ZC3H4: variants seen among roughly 807,000 people sequenced by gnomAD.
ZC3H4 encodes the protein zinc finger CCCH-type containing 4, also known as zinc finger CCCH domain-containing protein 4.
A neutral mutation model predicts 108.3 loss-of-function variants in ZC3H4; 13 were observed. That is an observed-to-expected ratio of 0.12 (90% CI 0.08 to 0.19). The LOEUF is 0.19. Among genes scored for constraint, ZC3H4 ranks in the 10% least tolerant of loss-of-function variants. The pLI, the probability that ZC3H4 is intolerant of heterozygous loss-of-function variation, is 1.00. For synonymous variants in ZC3H4, 917 were observed against 749.6 expected, an observed-to-expected ratio of 1.22 and a Z score of -3.65; for missense variants, 1,734 against 1,838.8, an observed-to-expected ratio of 0.94 and a Z score of 1.04.
intron 9 of ZC3H4, among the ~76,000 whole-genome samples, chr19:47,083,300 T>TA (rs1421531875): frequency 7.7e-6 from 1 of 130,172 alleles, no homozygotes; most frequent in Non-Finnish European, 1.7e-5. Context: ...AGACTCGGTC[T>TA]AAAAAAAATT....
rs369080840 is a variant in ZC3H4 at position 47,066,815 on chromosome 19, C to T, written c.3453G>A (p.Pro1151=). 4.7e-5 allele frequency: 76 copies of T among 1,600,072 alleles called. 1 individual carries two copies. The highest frequency in any genetic ancestry group is 5.9e-5 in the Non-Finnish European group (70 of 1,178,992). The change falls in exon 15 of 15, where the codon CCG becomes CCA. Residue 1151 remains proline, a synonymous_variant. Transcript: ENST00000253048. ...CTTTGCCCCCCGCGTTGGGAGTCCT[C>T]GGGTCGTAGAGGCTGATACCGCTCA... ...SVLSGISLYD[P]RTPNAGGKAT... is the part of the protein sequence containing the mutation.
chr19:47,090,335 C>G (rs1390434652), intron 4 of ZC3H4, 146 bp from the exon 5 acceptor site: 1 of 832,312 alleles, frequency 1.2e-6, no homozygotes. Flanking sequence ...TCCAGCCCCT[C>G]TGGGGACTGG....
At chr19:47,098,658 G>A (rs1430483725) in intron 2 of ZC3H4, among the ~76,000 whole-genome samples, 1 of 152,144 alleles carries the variant, frequency 6.6e-6, no homozygotes, top group Non-Finnish European at 1.5e-5. Flanking sequence ...CAGCTACTCA[G>A]GAGGCTGAGG....
Position 47,094,373 on chromosome 19 carries a change from G to A in ZC3H4, c.381+16C>T. On this transcript the variant is annotated intron_variant, in intron 3 of 14. Coordinates refer to ENST00000253048, the MANE Select transcript of ZC3H4 (RefSeq NM_015168.2). ...CAATGCCAGGCAGTGGCAGTCCCAG[G>A]GGATCTCCGACCTACTTTGTGCTTG... The A allele has an allele frequency of 1.9e-6, 3 of 1,613,382 alleles. No homozygotes were observed. Among genetic ancestry groups the A allele is most frequent in the Middle Eastern group, 1.6e-4 (1 of 6,062 alleles).
In ZC3H4 at chr19:47,112,505, G is replaced by A. The variant is rs2058053415; in HGVS notation, c.80C>T (p.Pro27Leu). 3 of 1,107,612 alleles carry A rather than the reference G, an allele frequency of 2.7e-6. No individual in the cohort carries two copies. Among genetic ancestry groups the A allele is most frequent in the South Asian group, 4.4e-5 (1 of 22,854 alleles). 68.6% of individuals were successfully genotyped at this position (1,107,612 alleles called of 1,614,324 possible). A position where few individuals can be genotyped will look rare whatever the true frequency, so the allele number is the denominator to read the frequency against. ...PPPSPPPPST[P>L]SPPPCSPDAR... ...GTCGGGGGAACACGGAGGAGGCGAA[G>A]GCGTTGATGGCGGCGGCGGCGATGG... The change falls in exon 2 of 15, where the codon CCT becomes CTT. Residue 27 changes from proline to leucine, a missense_variant. Physicochemically the swap from Pro to Leu is moderately conservative, Grantham distance 98 (BLOSUM62 -3). This residue lies in a region of ZC3H4 where 112 missense variants were observed against 73.3 expected (regional missense o/e 1.53). Transcript: ENST00000253048.
chr19:47,107,157 T>C (rs756335938), intron 2 of ZC3H4, among the ~76,000 whole-genome samples: 1 of 152,164 alleles, frequency 6.6e-6, no homozygotes, highest in Non-Finnish European at 1.5e-5. Context: ...TCAACCCCAA[T>C]TGGCTCCCTG....
At chr19:47,093,363 G>C (rs1351206215) in intron 4 of ZC3H4, among the ~76,000 whole-genome samples, 1 of 152,032 alleles carries the variant, frequency 6.6e-6, no homozygotes, top group Non-Finnish European at 1.5e-5. Flanking sequence ...CTGCCTACTG[G>C]CTACTTGAGA....
At chr19:47,110,827 G>A (rs1047155621) in intron 2 of ZC3H4, 3 of 840,970 alleles carry the variant, frequency 3.6e-6, no homozygotes, top group South Asian at 1.1e-4. Flanking sequence ...GCTGCGATGG[G>A]CTGCGATTCC....
chr19:47,078,844 G>A (rs1464099241), intron 11 of ZC3H4, among the ~76,000 whole-genome samples: 1 of 152,064 alleles, frequency 6.6e-6, no homozygotes, highest in Non-Finnish European at 1.5e-5. Flanking sequence ...GGGCGAAAGA[G>A]TGAAACTCCG....
At chr19:47,104,233 C>T (rs1053146818) in intron 2 of ZC3H4, among the ~76,000 whole-genome samples, 1 of 151,258 alleles carries the variant, frequency 6.6e-6, no homozygotes, top group South Asian at 2.1e-4. Context: ...GCAGGAGAAT[C>T]GCTTGAACCC....
At position 47,082,225 on chromosome 19, in the gene ZC3H4, G is replaced by C. The variant is rs1407489137; in HGVS notation, c.1289C>G (p.Thr430Ser). 1.2e-6 allele frequency: 2 copies of C among 1,613,952 alleles called. No homozygotes were observed. Among genetic ancestry groups the C allele is most frequent in the Non-Finnish European group, 1.7e-6 (2 of 1,179,932 alleles). ...KKRELCKFYI[T>S]GFCARAENCP... ...GTTCTCAGCTCTGGCGCAAAATCCA[G>C]TGATGTAAAACTTGCACAGTTCTCG... The change falls in exon 10 of 15, where the codon ACT becomes AGT. Residue 430 changes from threonine to serine, a missense_variant. By Grantham distance (58) the Thr-to-Ser change is moderately conservative. This residue lies in a region of ZC3H4 where 66 missense variants were observed against 166.8 expected (regional missense o/e 0.40). Transcript: ENST00000253048.
intron 5 of ZC3H4, 114 bp from the exon 6 acceptor site, chr19:47,086,652 T>C (rs1029632477): frequency 6.2e-5 from 86 of 1,383,538 alleles, no homozygotes; most frequent in African/African-American, 3.4e-4. Context: ...TCCTCCTCCT[T>C]CTCCTCCTCC....
chr19:47,082,487 AT>A (rs1053564841), intron 9 of ZC3H4, among the ~76,000 whole-genome samples, 192 bp from the exon 10 acceptor site: 11 of 152,228 alleles, frequency 7.2e-5, no homozygotes, highest in African/African-American at 2.6e-4. Flanking sequence ...TTTTTTAAAT[AT>A]TTTTTTGTAG....
intron 2 of ZC3H4, among the ~76,000 whole-genome samples, chr19:47,101,853 G>A (rs1324317956): frequency 6.6e-6 from 1 of 150,528 alleles, no homozygotes; most frequent in East Asian, 2.0e-4. Flanking sequence ...GGGCAACAGA[G>A]CAAGACTCTG....
At position 47,066,539 on chromosome 19, in the gene ZC3H4, G is replaced by A. The variant is rs957811895; in HGVS notation, c.3729C>T (p.Pro1243=). The change falls in exon 15 of 15, where the codon CCC becomes CCT. Residue 1243 remains proline, a synonymous_variant. Transcript: ENST00000253048. The part of the protein sequence containing the change: ...TATPPPEGAP[P]QPGVHNLPVP... The stretch of plus-strand genomic sequence containing the variant: ...CGGGCAGGTTGTGCACCCCGGGCTG[G>A]GGTGGGGCACCCTCGGGGGGTGGGG... 6.4e-7 allele frequency: 1 copy of A among 1,572,812 alleles called. No individual in the cohort carries two copies. The highest frequency in any genetic ancestry group is 8.6e-7 in the Non-Finnish European group (1 of 1,159,040).
Position 47,112,573 on chromosome 19 carries a change from C to A in ZC3H4, c.12G>T (p.Ala4=). The A allele has an allele frequency of 8.6e-7, 1 of 1,160,670 alleles. No homozygotes were observed. Among genetic ancestry groups the A allele is most frequent in the Non-Finnish European group, 1.1e-6 (1 of 920,178 alleles). The allele number at this position is 1,160,670 out of a possible 1,614,324, so 71.9% of individuals were successfully genotyped here. A position where few individuals can be genotyped will look rare whatever the true frequency, so the allele number is the denominator to read the frequency against. ...ATGGCGGCGGCGGGGGGGTCCCGGG[C>A]GCGGCCTCCATAGTTCCTTTGGGGG... MEA[A]PGTPPPPPSE... is the part of the protein sequence containing the mutation. The change falls in exon 2 of 15, where the codon GCG becomes GCT. Residue 4 remains alanine, a synonymous_variant. Transcript: ENST00000253048.
At chr19:47,069,856 A>C (rs986622725) in intron 13 of ZC3H4, among the ~76,000 whole-genome samples, 1 of 152,222 alleles carries the variant, frequency 6.6e-6, no homozygotes, top group African/African-American at 2.4e-5. Context: ...TGCTCTGGCC[A>C]CAGGTCAACA....
At chr19:47,068,942 C>T (rs1274279798) in intron 14 of ZC3H4, 150 bp downstream of exon 14, 13 of 1,494,426 alleles carry the variant, frequency 8.7e-6, no homozygotes, top group Non-Finnish European at 1.2e-5. Flanking sequence ...CATGCAGCAG[C>T]CCCAGCCCGG....
intron 2 of ZC3H4, among the ~76,000 whole-genome samples, chr19:47,108,306 G>C (rs2057992840): frequency 6.6e-6 from 1 of 152,120 alleles, no homozygotes; most frequent in Non-Finnish European, 1.5e-5. Flanking sequence ...AAGTTCTCTA[G>C]AATCTGGTTT....
Sources: gnomAD v4.1 joint callset for allele counts (sites outside exome capture counted in the v4.1 genomes callset) on GRCh38, gnomAD v4.1.1 for gene constraint, gnomAD v4.1.1 regional missense constraint, MANE v1.5 for transcripts, NCBI Gene and HGNC (gene_info 2026-07-23, HGNC 2026-07-21) for gene names.